Variants in PCOLCE2 observed in about 807,000 individuals in gnomAD.
PCOLCE2 encodes procollagen C-proteinase enhancer 2.
In PCOLCE2, 42 loss-of-function variants were observed where a neutral mutation model predicts 47.0. The observed-to-expected ratio is 0.89, with a 90% CI of 0.70 to 1.16. The LOEUF is 1.16. Among genes scored for constraint, PCOLCE2 ranks in the 50% most tolerant of loss-of-function variants. PCOLCE2 has a pLI of 0.00. For missense variants in PCOLCE2, 500 were observed against 526.1 expected (o/e 0.95, Z 0.49); for synonymous variants, 169 against 191.7 (o/e 0.88, Z 0.98).
At chr3:142,828,563 G>A (rs1560130418) in intron 6 of PCOLCE2, among the ~76,000 whole-genome samples, 2 of 152,180 alleles carry the variant, frequency 1.3e-5, no homozygotes, top group Non-Finnish European at 1.5e-5. Flanking sequence ...ATGACCCTAT[G>A]AGTGCGGCTA....
At chr3:142,839,623 C>T (rs904925357) in intron 4 of PCOLCE2, among the ~76,000 whole-genome samples, 2 of 152,040 alleles carry the variant, frequency 1.3e-5, no homozygotes, top group Non-Finnish European at 2.9e-5. Flanking sequence ...GAGAGTAAAT[C>T]CTAAATGTTA....
chr3:142,820,504 C>T (rs1051788379), intron 8 of PCOLCE2, among the ~76,000 whole-genome samples: 4 of 152,240 alleles, frequency 2.6e-5, no homozygotes, highest in African/African-American at 7.2e-5. Context: ...GATTCTAGCC[C>T]GGATATACCT....
chr3:142,879,486 A>G (rs1261539052), intron 2 of PCOLCE2, among the ~76,000 whole-genome samples: 1 of 152,260 alleles, frequency 6.6e-6, no homozygotes, highest in Non-Finnish European at 1.5e-5. Flanking sequence ...GCAGGCAGAA[A>G]GCTAAACAAA....
chr3:142,832,238 T>C (rs894335364), intron 5 of PCOLCE2, among the ~76,000 whole-genome samples: 1 of 152,170 alleles, frequency 6.6e-6, no homozygotes, highest in Non-Finnish European at 1.5e-5. Context: ...CGACTTTACC[T>C]GGACCATTGC....
chr3:142,852,818 T>G (rs576393451), intron 2 of PCOLCE2, among the ~76,000 whole-genome samples: 1 of 151,060 alleles, frequency 6.6e-6, no homozygotes, highest in East Asian at 1.9e-4. Context: ...GTTTTAAAAA[T>G]TAACAAAAAT....
chr3:142,849,107 C>A (rs555975420), intron 2 of PCOLCE2, among the ~76,000 whole-genome samples: 1 of 151,402 alleles, frequency 6.6e-6, no homozygotes, highest in Non-Finnish European at 1.5e-5. Flanking sequence ...GAGCCGAGAT[C>A]GCGCCACTGC....
At chr3:142,866,510 TAAATA>T (rs1933285922) in intron 2 of PCOLCE2, among the ~76,000 whole-genome samples, 2 of 152,148 alleles carry the variant, frequency 1.3e-5, no homozygotes, top group African/African-American at 4.8e-5. Context: ...CAATAATAAA[TAAATA>T]AAATATTTTG....
At chr3:142,886,837 C>T (rs1046566487) in intron 2 of PCOLCE2, among the ~76,000 whole-genome samples, 3 of 152,176 alleles carry the variant, frequency 2.0e-5, no homozygotes, top group Non-Finnish European at 4.4e-5. Context: ...ATGCCTGGCA[C>T]ACAGTAACTG....
intron 4 of PCOLCE2, among the ~76,000 whole-genome samples, chr3:142,839,242 G>T (rs1442791218): frequency 6.6e-6 from 1 of 152,020 alleles, no homozygotes; most frequent in African/African-American, 2.4e-5. Context: ...AATTGGTTTT[G>T]GAGATCTATT....
intron 2 of PCOLCE2, among the ~76,000 whole-genome samples, chr3:142,871,851 TA>T (rs1296591530): frequency 2.0e-5 from 3 of 152,214 alleles, no homozygotes. Context: ...TATACATACA[TA>T]TTTTTATATA....
intron 2 of PCOLCE2, among the ~76,000 whole-genome samples, chr3:142,853,304 A>T (rs1203154111): frequency 6.6e-6 from 1 of 151,710 alleles, no homozygotes; most frequent in East Asian, 1.9e-4. Context: ...TTTCAAGGTC[A>T]CTCCCTCCTG....
In PCOLCE2 at chr3:142,846,466, C is replaced by T. The variant is rs914799339; in HGVS notation, c.448+1751G>A. 1.7e-4 allele frequency among the ~76,000 whole-genome samples: 26 copies of T among 152,236 alleles called. 1 individual carries two copies. On this transcript the variant is annotated intron_variant, in intron 3 of 8. Transcript: ENST00000295992. ...CTGCCTGCCTTGGCCTCCCAAAGTG[C>T]TGGGATTACAGGCATGAGCCACTAC... is the stretch of plus-strand genomic sequence containing the variant.
chr3:142,867,005 C>G (rs538422988), intron 2 of PCOLCE2, among the ~76,000 whole-genome samples: 1 of 152,200 alleles, frequency 6.6e-6, no homozygotes, highest in Non-Finnish European at 1.5e-5. Flanking sequence ...TCATGGCAAC[C>G]AGCCAGGTAG....
intron 2 of PCOLCE2, among the ~76,000 whole-genome samples, chr3:142,872,395 ACCC>A (rs1264794747): frequency 6.6e-6 from 1 of 151,652 alleles, no homozygotes; most frequent in Non-Finnish European, 1.5e-5. Context: ...TTCAGGATCT[ACCC>A]CACTTCCTCC....
At position 142,863,581 on chromosome 3, in the gene PCOLCE2, A is replaced by G. The variant is rs567485973; in HGVS notation, c.193-15109T>C. Reference sequence around the variant, plus strand: ...GTCTTACTCTAGCCAGATGGCTCACAAATGTGTAGCCTCAAATAGCGCGTA... The same window carrying G: ...GTCTTACTCTAGCCAGATGGCTCACGAATGTGTAGCCTCAAATAGCGCGTA... On this transcript the variant is annotated intron_variant, in intron 2 of 8. Transcript: ENST00000295992. Among the ~76,000 whole-genome samples the G allele has an allele frequency of 1.4e-4, 21 of 152,326 alleles. 1 individual carries two copies. The South Asian group carries it at 4.4e-3, about 32-fold the overall frequency.
intron 6 of PCOLCE2, chr3:142,827,394 A>G (rs1022989310): frequency 1.3e-5 from 20 of 1,563,836 alleles, no homozygotes; most frequent in African/African-American, 2.7e-5. Flanking sequence ...TTGGCTGAGG[A>G]GACAACCTTC....
At chr3:142,829,158 C>A (rs918045952) in intron 6 of PCOLCE2, among the ~76,000 whole-genome samples, 4 of 152,026 alleles carry the variant, frequency 2.6e-5, no homozygotes, top group African/African-American at 9.7e-5. Flanking sequence ...ATGCCTCAGC[C>A]CCCCAGGCCA....
At chr3:142,877,383 TGGA>T (rs1560141726) in intron 2 of PCOLCE2, among the ~76,000 whole-genome samples, 1 of 152,192 alleles carries the variant, frequency 6.6e-6, no homozygotes, top group African/African-American at 2.4e-5. Flanking sequence ...ATGCTCCAAA[TGGA>T]TTACCAACCA....
chr3:142,885,620 G>A, intron 2 of PCOLCE2, among the ~76,000 whole-genome samples: 1 of 152,094 alleles, frequency 6.6e-6, no homozygotes, highest in East Asian at 1.9e-4. Flanking sequence ...AAAACACTGT[G>A]GGCAGAAGAC....
Sources: gnomAD v4.1 joint callset for allele counts (sites outside exome capture counted in the v4.1 genomes callset) on GRCh38, gnomAD v4.1.1 for gene constraint, MANE v1.5 for transcripts, NCBI Gene and HGNC (gene_info 2026-07-23, HGNC 2026-07-21) for gene names.